WWOX: variants seen among roughly 807,000 people sequenced by gnomAD.
WWOX encodes WW domain-containing oxidoreductase.
In WWOX, 69 loss-of-function variants were observed where a neutral mutation model predicts 46.2. The ratio of observed to expected loss-of-function variants is 1.49; its 90% CI spans 1.23 to 1.82. WWOX has a LOEUF of 1.82. WWOX is among the 40% of genes most tolerant of loss of function. The pLI is 0.00. For synonymous variants in WWOX, 359 were observed against 202.6 expected, an observed-to-expected ratio of 1.77 and a Z score of -6.56; for missense variants, 919 against 542.6, an observed-to-expected ratio of 1.69 and a Z score of -6.89.
intron 8 of WWOX, among the ~76,000 whole-genome samples, chr16:78,842,889 G>C (rs2052198490): frequency 6.7e-6 from 1 of 149,756 alleles, no homozygotes; most frequent in African/African-American, 2.4e-5. Flanking sequence ...GGGGGATAAA[G>C]ATAGACTTAA....
intron 8 of WWOX, among the ~76,000 whole-genome samples, chr16:79,141,556 G>A (rs981984289): frequency 2.6e-5 from 4 of 152,228 alleles, no homozygotes; most frequent in Admixed American, 1.3e-4. Flanking sequence ...AGTTTTACCA[G>A]CTCTTTGGCT....
chr16:78,560,698 C>G (rs149005264), intron 8 of WWOX, among the ~76,000 whole-genome samples: 2 of 151,962 alleles, frequency 1.3e-5, no homozygotes, highest in Non-Finnish European at 2.9e-5. Context: ...TGATACATAT[C>G]ATTTTGAAAC....
At chr16:78,818,591 C>A (rs939649194) in intron 8 of WWOX, among the ~76,000 whole-genome samples, 1 of 152,148 alleles carries the variant, frequency 6.6e-6, no homozygotes, top group African/African-American at 2.4e-5. Context: ...ATCGGCTGGG[C>A]ATGGTGGTAC....
intron 8 of WWOX, among the ~76,000 whole-genome samples, chr16:78,954,867 C>G (rs558435945): frequency 6.6e-6 from 1 of 152,022 alleles, no homozygotes; most frequent in Admixed American, 6.6e-5. Flanking sequence ...GTAGCTCACT[C>G]CAGTCTTGAG....
intron 8 of WWOX, among the ~76,000 whole-genome samples, chr16:78,714,365 C>A (rs2048515190): frequency 6.6e-6 from 1 of 152,036 alleles, no homozygotes; most frequent in South Asian, 2.1e-4. Flanking sequence ...TGCAAGGGAA[C>A]TGCCCTTTAT....
intron 8 of WWOX, among the ~76,000 whole-genome samples, chr16:78,900,296 C>G (rs900422171): frequency 6.6e-5 from 10 of 152,086 alleles, no homozygotes; most frequent in Non-Finnish European, 1.5e-4. Context: ...CCTGGTTTCT[C>G]CATACACTGA....
In WWOX at chr16:78,507,531, G is replaced by A. The variant is rs116413611; in HGVS notation, c.1056+74779G>A. 5.2e-3 allele frequency among the ~76,000 whole-genome samples: 790 copies of A among 152,212 alleles called. 4 individuals carry two copies. The highest frequency in any genetic ancestry group is 0.018 in the African/African-American group (742 of 41,522). On this transcript the variant is annotated intron_variant, in intron 8 of 8. Coordinates refer to ENST00000566780, the MANE Select transcript of WWOX (RefSeq NM_016373.4). ...GTGTTTTTATGTTTTGAAAATACAC[G>A]CAGAGAGACCCACTGCATGTCCTAT...
At chr16:78,906,483 T>C (rs2151248868) in intron 8 of WWOX, among the ~76,000 whole-genome samples, 1 of 152,300 alleles carries the variant, frequency 6.6e-6, no homozygotes, top group African/African-American at 2.4e-5. Context: ...TTTCTGTCTT[T>C]GTCCCCATCT....
chr16:78,432,876 A>T, intron 8 of WWOX, 124 bp downstream of exon 8: 6 of 1,427,260 alleles, frequency 4.2e-6, no homozygotes, highest in South Asian at 3.5e-5. Flanking sequence ...TGTCCAGCCC[A>T]TCATAAAGGG....
At chr16:78,477,993 A>G (rs1396683685) in intron 8 of WWOX, among the ~76,000 whole-genome samples, 6 of 152,306 alleles carry the variant, frequency 3.9e-5, no homozygotes, top group East Asian at 1.9e-4. Flanking sequence ...AGGTTTTTCT[A>G]TTTTTTAATA....
intron 8 of WWOX, among the ~76,000 whole-genome samples, chr16:78,959,748 A>G (rs774893495): frequency 1.3e-5 from 2 of 152,166 alleles, no homozygotes; most frequent in Non-Finnish European, 2.9e-5. Flanking sequence ...CCATGACCAA[A>G]TGCCCATATT....
chr16:79,097,208 A>C (rs2049093988), intron 8 of WWOX, among the ~76,000 whole-genome samples: 1 of 152,132 alleles, frequency 6.6e-6, no homozygotes, highest in African/African-American at 2.4e-5. Context: ...TTTTATAAAG[A>C]GCCTGCTTTT....
chr16:78,385,873 A>G (rs1426999533), intron 5 of WWOX, among the ~76,000 whole-genome samples: 1 of 152,182 alleles, frequency 6.6e-6, no homozygotes, highest in African/African-American at 2.4e-5. Context: ...TAGGTCTAAG[A>G]AGTGATAGTA....
intron 8 of WWOX, among the ~76,000 whole-genome samples, chr16:78,796,956 G>C (rs548375101): frequency 2.0e-5 from 3 of 151,964 alleles, no homozygotes; most frequent in Admixed American, 1.3e-4. Flanking sequence ...CTTCCAAGTA[G>C]CTGGGATTAT....
At chr16:78,698,569 C>A (rs918386255) in intron 8 of WWOX, among the ~76,000 whole-genome samples, 2 of 152,190 alleles carry the variant, frequency 1.3e-5, no homozygotes, top group African/African-American at 2.4e-5. Context: ...TAGGTACAGA[C>A]CTTAAAAATA....
intron 5 of WWOX, among the ~76,000 whole-genome samples, chr16:78,202,736 A>C (rs2151777541): frequency 6.6e-6 from 1 of 151,888 alleles, no homozygotes; most frequent in Middle Eastern, 3.5e-3. Context: ...CTGTCTCTGT[A>C]CTGTGTCCCC....
At chr16:78,665,412 A>G (rs183322848) in intron 8 of WWOX, among the ~76,000 whole-genome samples, 7 of 152,152 alleles carry the variant, frequency 4.6e-5, no homozygotes, top group South Asian at 2.1e-4. Flanking sequence ...GAATATAACT[A>G]TTGAGTTTTC....
rs144704261 is a variant in WWOX, at chr16:79,093,867, G to A, written c.1057-117741G>A. Among the ~76,000 whole-genome samples the A allele has an allele frequency of 9.1e-3, 1,386 of 152,310 alleles. 10 individuals carry two copies. Among genetic ancestry groups the A allele is most frequent in the Middle Eastern group, 0.017 (5 of 294 alleles). On this transcript the variant is annotated intron_variant, in intron 8 of 8. Coordinates refer to ENST00000566780, the MANE Select transcript of WWOX (RefSeq NM_016373.4). ...AAGGGGAACCGAGTGACTCAGCCCAGAGTGGGCCTCACCGCAGCTTCCTGG... is the reference window on the plus strand; with the variant it reads ...AAGGGGAACCGAGTGACTCAGCCCAAAGTGGGCCTCACCGCAGCTTCCTGG...
intron 8 of WWOX, among the ~76,000 whole-genome samples, chr16:79,135,032 T>C (rs2150704142): frequency 6.6e-6 from 1 of 152,246 alleles, no homozygotes; most frequent in East Asian, 1.9e-4. Flanking sequence ...TTGGATTAAT[T>C]TTTCTCTCTT....
Sources: gnomAD v4.1 joint callset for allele counts (sites outside exome capture counted in the v4.1 genomes callset) on GRCh38, gnomAD v4.1.1 for gene constraint, MANE v1.5 for transcripts, NCBI Gene and HGNC (gene_info 2026-07-23, HGNC 2026-07-21) for gene names.